The following MGAT5 variants were observed in gnomAD, a reference collection of about 807,000 sequenced individuals.
MGAT5 encodes the protein alpha-1,6-mannosylglycoprotein 6-beta-N-acetylglucosaminyltransferase.
Under a neutral mutation model 94.3 loss-of-function variants are expected in MGAT5, and 30 were observed. That is an observed-to-expected ratio of 0.32 (90% confidence interval 0.24 to 0.43). The LOEUF is 0.43. MGAT5 is among the 20% of genes least tolerant of loss of function. The pLI is 1.00. For synonymous variants in MGAT5, 310 were observed against 322.9 expected (o/e 0.96, Z 0.43); for missense variants, 691 against 905.5 (o/e 0.76, Z 3.04).
intron 1 of MGAT5, among the ~76,000 whole-genome samples, chr2:134,177,815 A>G (rs1688552540): frequency 6.6e-6 from 1 of 152,206 alleles, no homozygotes; most frequent in Non-Finnish European, 1.5e-5. Context: ...TGAATTGGCG[A>G]TGTGCCATAG....
At chr2:134,197,896 G>T (rs1356484618) in intron 1 of MGAT5, among the ~76,000 whole-genome samples, 2 of 152,144 alleles carry the variant, frequency 1.3e-5, no homozygotes, top group Admixed American at 1.3e-4. Context: ...ATAACCCAGA[G>T]GTTGGGTAGA....
chr2:134,308,905 C>T (rs11887156), intron 2 of MGAT5, among the ~76,000 whole-genome samples: 118,549 of 152,084 alleles, frequency 0.78, 47,424 homozygotes, highest in Non-Finnish European at 0.87. Flanking sequence ...ATGTGGCTTT[C>T]AGTATATTCA....
intron 4 of MGAT5, among the ~76,000 whole-genome samples, chr2:134,334,240 T>C (rs1351159928): frequency 6.6e-6 from 1 of 152,158 alleles, no homozygotes; most frequent in Non-Finnish European, 1.5e-5. Context: ...AAGTCATCTT[T>C]TTAAAAATCA....
chr2:134,301,976 A>G (rs571575840), intron 2 of MGAT5, among the ~76,000 whole-genome samples: 1 of 152,320 alleles, frequency 6.6e-6, no homozygotes, highest in African/African-American at 2.4e-5. Context: ...AAATTCTTAA[A>G]TAGTAAGACC....
rs186931981 is a variant in MGAT5 at position 134,205,743 on chromosome 2, T to G, written c.-142-48519T>G. 2.6e-4 allele frequency among the ~76,000 whole-genome samples: 40 copies of G among 152,198 alleles called. No individual in the cohort carries two copies. In the East Asian group the frequency reaches 6.2e-3, roughly 24 times the overall value. ...CAGTCGTGGGACAGGGTACACTTGC[T>G]GAGGGAGAGAATATGGATAGAGAAG... On this transcript the variant is annotated intron_variant, in intron 1 of 16. Transcript: ENST00000409645.
At chr2:134,131,031 G>A (rs1202134666) in intron 1 of MGAT5, among the ~76,000 whole-genome samples, 1 of 152,216 alleles carries the variant, frequency 6.6e-6, no homozygotes, top group African/African-American at 2.4e-5. Context: ...CTTCCATAGT[G>A]TGGAAGCTTT....
chr2:134,383,824 C>T (rs922893515), intron 10 of MGAT5, among the ~76,000 whole-genome samples: 3 of 151,974 alleles, frequency 2.0e-5, no homozygotes, highest in Non-Finnish European at 4.4e-5. Flanking sequence ...CTGCCTCAGG[C>T]GCCCACCACC....
chr2:134,419,753 A>G (rs982164603), intron 12 of MGAT5, among the ~76,000 whole-genome samples: 1 of 152,226 alleles, frequency 6.6e-6, no homozygotes, highest in Non-Finnish European at 1.5e-5. Flanking sequence ...CAAAAGGATA[A>G]TAGCTCAGCA....
At chr2:134,147,980 C>T (rs1291306053) in intron 1 of MGAT5, among the ~76,000 whole-genome samples, 7 of 152,202 alleles carry the variant, frequency 4.6e-5, no homozygotes, top group African/African-American at 1.7e-4. Flanking sequence ...TTTTTACACT[C>T]ATCACTACTT....
At chr2:134,387,512 A>G (rs1206664455) in intron 10 of MGAT5, among the ~76,000 whole-genome samples, 1 of 151,350 alleles carries the variant, frequency 6.6e-6, no homozygotes, top group East Asian at 2.0e-4. Flanking sequence ...AGTCTATTCT[A>G]CCTAAGATCG....
intron 10 of MGAT5, among the ~76,000 whole-genome samples, chr2:134,389,350 G>A (rs1226896108): frequency 6.6e-6 from 1 of 152,152 alleles, no homozygotes; most frequent in Non-Finnish European, 1.5e-5. Context: ...CTAAGCTTGG[G>A]AATCTCTGAA....
intron 1 of MGAT5, among the ~76,000 whole-genome samples, chr2:134,246,902 T>C (rs1320164319): frequency 6.6e-6 from 1 of 152,252 alleles, no homozygotes; most frequent in Non-Finnish European, 1.5e-5. Flanking sequence ...AAAAGGTATT[T>C]TATACATTTT....
intron 1 of MGAT5, among the ~76,000 whole-genome samples, chr2:134,261,964 A>G (rs1306103802): frequency 6.6e-6 from 1 of 152,206 alleles, no homozygotes; most frequent in African/African-American, 2.4e-5. Context: ...AGTAGCTCTT[A>G]TGCATGATCC....
In MGAT5 at chr2:134,150,869, G is replaced by A. The variant is rs117658545; in HGVS notation, c.-143+30578G>A. Among the ~76,000 whole-genome samples the A allele has an allele frequency of 0.016, 2,419 of 152,286 alleles. 151 individuals are homozygous for A. The East Asian group carries it at 0.2, about 13-fold the overall frequency. ...GAATATATGTTCAAAGTTATGTGACGAATGTCTTCTGCTTTCAATCCCATT... is the reference window on the plus strand; with the variant it reads ...GAATATATGTTCAAAGTTATGTGACAAATGTCTTCTGCTTTCAATCCCATT... On this transcript the variant is annotated intron_variant, in intron 1 of 16. Coordinates refer to the MGAT5 transcript ENST00000409645.
At chr2:134,371,321 A>G (rs1233122607) in intron 10 of MGAT5, among the ~76,000 whole-genome samples, 1 of 152,120 alleles carries the variant, frequency 6.6e-6, no homozygotes, top group Non-Finnish European at 1.5e-5. Context: ...AACGAGTTCC[A>G]CGTTCCAGGC....
chr2:134,448,569 A>G (rs1685926331), intron 15 of MGAT5, 80 bp from the exon 16 acceptor site: 1 of 1,335,070 alleles, frequency 7.5e-7, no homozygotes, highest in Non-Finnish European at 1.1e-6. Context: ...ATGCCTCAAG[A>G]TGGGGGCTCA....
chr2:134,422,540 GT>G (rs1288446413), intron 12 of MGAT5, among the ~76,000 whole-genome samples: 1 of 152,152 alleles, frequency 6.6e-6, no homozygotes, highest in African/African-American at 2.4e-5. Flanking sequence ...ATTTCTTGAT[GT>G]GATGTTGGGG....
intron 4 of MGAT5, among the ~76,000 whole-genome samples, chr2:134,318,981 A>G (rs1687167216): frequency 6.6e-6 from 1 of 152,206 alleles, no homozygotes; most frequent in African/African-American, 2.4e-5. Flanking sequence ...ATTGTAGTAA[A>G]ATAGACGTGA....
chr2:134,403,201 A>G (rs1683154141), intron 11 of MGAT5, 64 bp downstream of exon 11: 4 of 1,482,820 alleles, frequency 2.7e-6, no homozygotes, highest in African/African-American at 2.9e-5. Flanking sequence ...TGGGATCAGA[A>G]TATTTCATGC....
Sources: gnomAD v4.1 joint callset for allele counts (sites outside exome capture counted in the v4.1 genomes callset) on GRCh38, gnomAD v4.1.1 for gene constraint, MANE v1.5 for transcripts, NCBI Gene and HGNC (gene_info 2026-07-23, HGNC 2026-07-21) for gene names.